Variants in ST6GALNAC3 observed in about 807,000 individuals in gnomAD.
The protein encoded by ST6GALNAC3 is ST6 N-acetylgalactosaminide alpha-2,6-sialyltransferase 3, also known as alpha-N-acetylgalactosaminide alpha-2,6-sialyltransferase 3.
A neutral mutation model predicts 32.7 loss-of-function variants in ST6GALNAC3; 25 were observed. The observed-to-expected ratio is 0.76, with a 90% CI of 0.56 to 1.07. ST6GALNAC3 has a LOEUF of 1.07. ST6GALNAC3 is among the 50% of genes least tolerant of loss of function. The pLI is 0.00. For missense variants in ST6GALNAC3, 355 were observed against 382.4 expected, an observed-to-expected ratio of 0.93 and a Z score of 0.60; for synonymous variants, 129 against 133.1, an observed-to-expected ratio of 0.97 and a Z score of 0.21.
At chr1:76,250,463 A>T (rs1242714724) in intron 1 of ST6GALNAC3, among the ~76,000 whole-genome samples, 2 of 152,206 alleles carry the variant, frequency 1.3e-5, no homozygotes, top group Non-Finnish European at 2.9e-5. Flanking sequence ...CAAGTGAATT[A>T]GACTATTTGG....
chr1:76,239,469 T>C (rs879733243), intron 1 of ST6GALNAC3, among the ~76,000 whole-genome samples: 27 of 152,188 alleles, frequency 1.8e-4, no homozygotes, highest in Middle Eastern at 3.4e-3. Context: ...AGTGTGTGCT[T>C]TTGGTCAGGA....
chr1:76,612,605 A>C (rs1015094777), intron 3 of ST6GALNAC3, among the ~76,000 whole-genome samples: 1 of 152,298 alleles, frequency 6.6e-6, no homozygotes, highest in South Asian at 2.1e-4. Context: ...AGAAGGAAAC[A>C]GTACTTAAAA....
intron 1 of ST6GALNAC3, among the ~76,000 whole-genome samples, chr1:76,312,366 A>G (rs1197333343): frequency 1.3e-5 from 2 of 152,198 alleles, no homozygotes; most frequent in African/African-American, 4.8e-5. Flanking sequence ...AGGCATGGGC[A>G]AAGACTTAAT....
chr1:76,519,604 C>T (rs949595744), intron 3 of ST6GALNAC3, among the ~76,000 whole-genome samples: 1 of 152,094 alleles, frequency 6.6e-6, no homozygotes. Context: ...CACGAAGATA[C>T]GTATAGTTGG....
At chr1:76,618,789 A>G (rs1648454733) in intron 3 of ST6GALNAC3, among the ~76,000 whole-genome samples, 1 of 151,972 alleles carries the variant, frequency 6.6e-6, no homozygotes, top group African/African-American at 2.4e-5. Flanking sequence ...GCTTCTTAAA[A>G]CCTCTACTGG....
At chr1:76,304,706 A>G (rs1660937628) in intron 1 of ST6GALNAC3, among the ~76,000 whole-genome samples, 1 of 152,058 alleles carries the variant, frequency 6.6e-6, no homozygotes, top group Admixed American at 6.6e-5. Flanking sequence ...ATGTAAGGTC[A>G]TGTAGATTCA....
chr1:76,353,813 C>G (rs896763680), intron 2 of ST6GALNAC3: 4 of 152,802 alleles, frequency 2.6e-5, no homozygotes, highest in African/African-American at 7.2e-5. Flanking sequence ...TCCCCACTCA[C>G]CAGTCACAAA....
chr1:76,485,039 C>G (rs910683143), intron 3 of ST6GALNAC3, among the ~76,000 whole-genome samples: 1 of 152,010 alleles, frequency 6.6e-6, no homozygotes, highest in Non-Finnish European at 1.5e-5. Context: ...GATTTGCATA[C>G]GTCAAACCAG....
At chr1:76,357,505 A>AT (rs1448414063) in intron 2 of ST6GALNAC3, among the ~76,000 whole-genome samples, 1 of 152,114 alleles carries the variant, frequency 6.6e-6, no homozygotes, top group African/African-American at 2.4e-5. Context: ...AAGATCTTCT[A>AT]CCACATTTTT....
intron 3 of ST6GALNAC3, among the ~76,000 whole-genome samples, chr1:76,576,280 G>C (rs1416126359): frequency 6.6e-6 from 1 of 152,090 alleles, no homozygotes; most frequent in Non-Finnish European, 1.5e-5. Flanking sequence ...CAGAGACACA[G>C]AGAAAGGCCA....
At chr1:76,258,866 C>A (rs1658069319) in intron 1 of ST6GALNAC3, among the ~76,000 whole-genome samples, 1 of 152,058 alleles carries the variant, frequency 6.6e-6, no homozygotes, top group Admixed American at 6.5e-5. Context: ...CATGGCAGAC[C>A]TAAAAAAATT....
At chr1:76,242,379 C>T (rs921954276) in intron 1 of ST6GALNAC3, among the ~76,000 whole-genome samples, 7 of 151,906 alleles carry the variant, frequency 4.6e-5, no homozygotes, top group African/African-American at 1.5e-4. Context: ...GAGTGCATCA[C>T]GTCTGTAACA....
At chr1:76,286,574 T>C (rs1659792389) in intron 1 of ST6GALNAC3, among the ~76,000 whole-genome samples, 1 of 152,232 alleles carries the variant, frequency 6.6e-6, no homozygotes, top group South Asian at 2.1e-4. Flanking sequence ...GGAGGTTTGA[T>C]GCCAACCCCT....
Position 76,238,932 on chromosome 1 carries a change from C to G in ST6GALNAC3, c.19-74873C>G, listed in dbSNP as rs183247576. On this transcript the variant is annotated intron_variant, in intron 1 of 4. Coordinates refer to ENST00000328299, the MANE Select transcript of ST6GALNAC3 (RefSeq NM_152996.4). ...TAAGCAGCCTTACTTTTCCACTAAG[C>G]CTGTTTCCCACTAACCTTTTTTTTT... Among the ~76,000 whole-genome samples, 3 of 149,182 alleles carry G rather than the reference C, an allele frequency of 2.0e-5. No individual in the cohort carries two copies. In the East Asian group the frequency reaches 5.8e-4, roughly 29 times the overall value.
chr1:76,154,098 T>C (rs1651232120), intron 1 of ST6GALNAC3, among the ~76,000 whole-genome samples: 2 of 152,154 alleles, frequency 1.3e-5, no homozygotes, highest in African/African-American at 4.8e-5. Flanking sequence ...CCCAGTCGGC[T>C]TAAAAATAGT....
In ST6GALNAC3 at chr1:76,630,905, CCT is replaced by C. The variant is rs1423286118; in HGVS notation, c.*2100_*2101del. 1.4e-5 allele frequency: 14 copies of C among 985,532 alleles called. No homozygotes were observed. Among genetic ancestry groups the C allele is most frequent in the Non-Finnish European group, 1.7e-5 (14 of 829,790 alleles). The allele number at this position is 985,532 out of a possible 1,614,324, so 61.0% of individuals were successfully genotyped here. A position where few individuals can be genotyped will look rare whatever the true frequency, so the allele number is the denominator to read the frequency against. On this transcript the variant is annotated 3_prime_UTR_variant, in exon 5 of 5. Transcript: ENST00000328299. ...AATTGCCATACAGACTGTTTTTCCCCCTGTTGTTTCACTTTAAAATAAAAAGA... is the reference window on the plus strand; with the variant it reads ...AATTGCCATACAGACTGTTTTTCCCCGTTGTTTCACTTTAAAATAAAAAGA...
downstream of ST6GALNAC3, among the ~76,000 whole-genome samples, chr1:76,635,884 C>G (rs1649492950): frequency 6.6e-6 from 1 of 152,150 alleles, no homozygotes; most frequent in African/African-American, 2.4e-5. Flanking sequence ...ATTGGCCAGC[C>G]TCACTCGCGT....
chr1:76,563,436 T>C (rs1315959660), intron 3 of ST6GALNAC3, among the ~76,000 whole-genome samples: 1 of 152,212 alleles, frequency 6.6e-6, no homozygotes, highest in African/African-American at 2.4e-5. Flanking sequence ...CTTCTGACAC[T>C]TTCTTTAAAA....
At chr1:76,469,032 A>G (rs1244988469) in intron 3 of ST6GALNAC3, among the ~76,000 whole-genome samples, 3 of 152,048 alleles carry the variant, frequency 2.0e-5, no homozygotes, top group Non-Finnish European at 4.4e-5. Flanking sequence ...AGGGTAATCA[A>G]TTGATTATTA....
Sources: gnomAD v4.1 joint callset for allele counts (sites outside exome capture counted in the v4.1 genomes callset) on GRCh38, gnomAD v4.1.1 for gene constraint, MANE v1.5 for transcripts, NCBI Gene and HGNC (gene_info 2026-07-23, HGNC 2026-07-21) for gene names.